Variants in WDR48 observed in about 807,000 individuals in gnomAD.
The protein encoded by WDR48 is WD repeat-containing protein 48.
WDR48 carries 22 observed loss-of-function variants against 94.0 expected under a neutral mutation model. The ratio of observed to expected loss-of-function variants is 0.23; its 90% CI spans 0.17 to 0.33. The LOEUF is 0.33. Ranked by LOEUF, WDR48 falls within the 10% of genes least tolerant of loss-of-function variation. The pLI is 1.00. For synonymous variants in WDR48, 278 were observed against 280.5 expected, an observed-to-expected ratio of 0.99 and a Z score of 0.09; for missense variants, 541 against 813.8, an observed-to-expected ratio of 0.66 and a Z score of 4.08.
intron 18 of WDR48, 37 bp from the exon 19 acceptor site, chr3:39,094,611 G>C: frequency 6.2e-7 from 1 of 1,612,990 alleles, no homozygotes; most frequent in African/African-American, 1.3e-5. Context: ...AGATATTAGA[G>C]ACTTTGAAAT....
intron 13 of WDR48, 144 bp downstream of exon 13, chr3:39,084,885 A>T: frequency 1.7e-6 from 1 of 594,530 alleles, no homozygotes; most frequent in East Asian, 3.1e-5. Context: ...CAAATACCTA[A>T]TGTATACAAA....
At position 39,088,168 on chromosome 3, in the gene WDR48, A is replaced by G. The variant is rs755455805; in HGVS notation, c.1515A>G (p.Gly505=). 60 of 1,614,198 alleles carry G rather than the reference A, an allele frequency of 3.7e-5. No homozygotes were observed. Among genetic ancestry groups the G allele is most frequent in the South Asian group, 3.2e-4 (29 of 91,082 alleles). The change falls in exon 15 of 19, where the codon GGA becomes GGG. Residue 505 remains glycine (G), a synonymous_variant. Coordinates refer to ENST00000302313, the MANE Select transcript of WDR48 (RefSeq NM_020839.4). ...AGAACCGAGTGCAGAAGGGAAATGG[A>G]TATTTTCAAGTGCCCCCACATACAC... ...EQENRVQKGN[G]YFQVPPHTPV... is the part of the protein sequence containing the mutation.
At chr3:39,082,071 A>G (rs1475024933) in intron 11 of WDR48, among the ~76,000 whole-genome samples, 1 of 152,160 alleles carries the variant, frequency 6.6e-6, no homozygotes, top group African/African-American at 2.4e-5. Context: ...ATGCTAGGGA[A>G]CATCTCTAAA....
At chr3:39,053,681 G>A (rs1462142526) in intron 1 of WDR48, among the ~76,000 whole-genome samples, 1 of 152,138 alleles carries the variant, frequency 6.6e-6, no homozygotes, top group Non-Finnish European at 1.5e-5. Context: ...ACTGCAGTGT[G>A]TTCCCTGCTT....
chr3:39,085,508 T>C lies in WDR48; in HGVS notation c.1379-7T>C, dbSNP rs1253526878. 6.2e-7 allele frequency: 1 copy of C among 1,605,916 alleles called. No individual in the cohort carries two copies. Among genetic ancestry groups the C allele is most frequent in the East Asian group, 2.2e-5 (1 of 44,684 alleles). ...ATTTTATCTCTTTTTAATTAACTTT[T>C]TTGCAGTGAATTTAGGAGGACTTTT... On this transcript the variant is annotated splice_region_variant and splice_polypyrimidine_tract_variant and intron_variant, in intron 13 of 18. Transcript: ENST00000302313.
intron 8 of WDR48, among the ~76,000 whole-genome samples, chr3:39,076,617 A>G (rs1331945046): frequency 6.6e-6 from 1 of 152,182 alleles, no homozygotes; most frequent in Non-Finnish European, 1.5e-5. Flanking sequence ...CGCTTGTGTA[A>G]TATATACATG....
At chr3:39,060,405 A>AGT (rs548062247) in intron 1 of WDR48, among the ~76,000 whole-genome samples, 15 of 142,618 alleles carry the variant, frequency 1.1e-4, no homozygotes, top group Non-Finnish European at 1.8e-4. Flanking sequence ...GTGTCAGTAC[A>AGT]GTGTGTGTGT....
At chr3:39,059,074 C>CAAAAAA (rs1178955423) in intron 1 of WDR48, among the ~76,000 whole-genome samples, 6 of 69,714 alleles carry the variant, frequency 8.6e-5, no homozygotes, top group Non-Finnish European at 1.8e-4. Flanking sequence ...GACTCCGTCT[C>CAAAAAA]AAAAAAAAAA....
intron 1 of WDR48, among the ~76,000 whole-genome samples, chr3:39,062,638 G>A (rs1040394839): frequency 6.6e-6 from 1 of 152,222 alleles, no homozygotes; most frequent in Admixed American, 6.5e-5. Flanking sequence ...CTGGAGCAGA[G>A]ATGAGTGGCC....
chr3:39,080,568 T>C (rs563141096), intron 11 of WDR48, among the ~76,000 whole-genome samples: 31 of 152,342 alleles, frequency 2.0e-4, no homozygotes, highest in African/African-American at 7.5e-4. Context: ...GGAATGACTG[T>C]CATGTGCAAA....
intron 1 of WDR48, among the ~76,000 whole-genome samples, chr3:39,060,439 C>T (rs987346289): frequency 2.1e-5 from 3 of 141,220 alleles, no homozygotes; most frequent in Admixed American, 1.4e-4. Flanking sequence ...TATATATATG[C>T]ACACACACAC....
chr3:39,052,985 A>C (rs2032569743), intron 1 of WDR48, among the ~76,000 whole-genome samples: 1 of 152,232 alleles, frequency 6.6e-6, no homozygotes, highest in African/African-American at 2.4e-5. Flanking sequence ...ACAAACCTGC[A>C]CGTTGTGCAC....
At chr3:39,087,386 C>T (rs780909479) in intron 14 of WDR48, among the ~76,000 whole-genome samples, 6 of 152,188 alleles carry the variant, frequency 3.9e-5, no homozygotes, top group African/African-American at 7.2e-5. Context: ...TTAGGCTGCC[C>T]TGCCCAGCAG....
chr3:39,079,868 A>AT, intron 11 of WDR48, 60 bp downstream of exon 11: 3 of 937,720 alleles, frequency 3.2e-6, no homozygotes, highest in Non-Finnish European at 4.6e-6. Context: ...TTTATTTTTT[A>AT]TTTTTTGTAT....
chr3:39,070,998 C>G (rs1162900631), intron 7 of WDR48, among the ~76,000 whole-genome samples: 4 of 152,162 alleles, frequency 2.6e-5, no homozygotes, highest in African/African-American at 9.7e-5. Flanking sequence ...CATGTCCCTA[C>G]AAAGGACATG....
At chr3:39,080,528 G>A (rs1051499340) in intron 11 of WDR48, among the ~76,000 whole-genome samples, 6 of 152,170 alleles carry the variant, frequency 3.9e-5, no homozygotes, top group Non-Finnish European at 7.3e-5. Context: ...TGGTATACTT[G>A]TTCATTTGTT....
At chr3:39,061,568 A>C (rs74771605) in intron 1 of WDR48, among the ~76,000 whole-genome samples, 15,779 of 152,130 alleles carry the variant, frequency 0.1, 1,042 homozygotes, top group East Asian at 0.22. Flanking sequence ...ATACGTGGGC[A>C]TGTTTCTTTA....
At chr3:39,071,257 ATAAG>A (rs2033920615) in intron 7 of WDR48, among the ~76,000 whole-genome samples, 1 of 152,188 alleles carries the variant, frequency 6.6e-6, no homozygotes, top group South Asian at 2.1e-4. Context: ...TGTGTTAATA[ATAAG>A]TATTTTCTTA....
At chr3:39,087,922 A>AT (rs903431838) in intron 14 of WDR48, 24 of 543,500 alleles carry the variant, frequency 4.4e-5, no homozygotes, top group South Asian at 3.7e-4. Flanking sequence ...AAATACAGTC[A>AT]TTTTTTCCAT....
Sources: allele counts gnomAD v4.1 joint callset (sites outside exome capture counted in the v4.1 genomes callset), GRCh38; gene constraint gnomAD v4.1.1; transcripts MANE v1.5; gene names NCBI Gene and HGNC (gene_info 2026-07-23, HGNC 2026-07-21).